Variants in MSRA observed in about 807,000 individuals in gnomAD.
The protein encoded by MSRA is mitochondrial peptide methionine sulfoxide reductase.
MSRA carries 54 observed loss-of-function variants against 31.3 expected under a neutral mutation model. The observed-to-expected ratio is 1.73, with a 90% CI of 1.39 to 2.17. The LOEUF is 2.17. Ranked by LOEUF, MSRA falls within the 30% of genes most tolerant of loss-of-function variation. MSRA has a pLI of 0.00. For synonymous variants in MSRA, 169 were observed against 116.5 expected (o/e 1.45, Z -2.90); for missense variants, 507 against 300.9 (o/e 1.69, Z -5.07).
At chr8:10,422,254 C>G (rs978250216) in intron 5 of MSRA, among the ~76,000 whole-genome samples, 2 of 152,140 alleles carry the variant, frequency 1.3e-5, no homozygotes, top group Non-Finnish European at 2.9e-5. Context: ...CCAGTGTACT[C>G]CAGCCTGGGT....
At chr8:10,231,808 C>T (rs2129073511) in intron 2 of MSRA, among the ~76,000 whole-genome samples, 1 of 152,244 alleles carries the variant, frequency 6.6e-6, no homozygotes, top group Non-Finnish European at 1.5e-5. Context: ...GAGGCTGAGG[C>T]AGGAGAATTG....
At chr8:10,070,886 T>A (rs1005443516) in intron 1 of MSRA, among the ~76,000 whole-genome samples, 21 of 152,228 alleles carry the variant, frequency 1.4e-4, no homozygotes, top group Non-Finnish European at 5.9e-5. Context: ...TACCACAGTT[T>A]AACCATTCAC....
At chr8:10,317,934 A>G (rs1014132910) in intron 4 of MSRA, among the ~76,000 whole-genome samples, 3 of 151,928 alleles carry the variant, frequency 2.0e-5, no homozygotes, top group African/African-American at 2.4e-5. Context: ...CAAGATACCT[A>G]TGTGGTTACA....
intron 1 of MSRA, among the ~76,000 whole-genome samples, chr8:10,134,999 A>G (rs908383201): frequency 3.9e-5 from 6 of 152,228 alleles, no homozygotes; most frequent in South Asian, 4.1e-4. Flanking sequence ...AAATCTCTCA[A>G]TCACATTAAC....
intron 2 of MSRA, among the ~76,000 whole-genome samples, chr8:10,243,678 A>G (rs1159490954): frequency 6.6e-6 from 1 of 152,188 alleles, no homozygotes; most frequent in Admixed American, 6.5e-5. Context: ...AATTGTCACC[A>G]CTGTAATACA....
At chr8:10,418,413 T>C (rs1016397784) in intron 5 of MSRA, among the ~76,000 whole-genome samples, 2 of 152,170 alleles carry the variant, frequency 1.3e-5, no homozygotes, top group South Asian at 4.1e-4. Flanking sequence ...TGCCTGCCCA[T>C]TTCCGGAGCC....
At chr8:10,204,561 G>A (rs1159957957) in intron 1 of MSRA, among the ~76,000 whole-genome samples, 2 of 152,210 alleles carry the variant, frequency 1.3e-5, no homozygotes, top group Non-Finnish European at 2.9e-5. Context: ...TAGCCTAGGG[G>A]CAATAGACTA....
At chr8:10,091,593 T>C (rs1290059669) in intron 1 of MSRA, among the ~76,000 whole-genome samples, 1 of 151,780 alleles carries the variant, frequency 6.6e-6, no homozygotes, top group African/African-American at 2.4e-5. Flanking sequence ...GTGAGATTGC[T>C]GGATCATATG....
At chr8:10,333,924 A>G (rs1002670440) in intron 5 of MSRA, among the ~76,000 whole-genome samples, 2 of 152,170 alleles carry the variant, frequency 1.3e-5, no homozygotes, top group African/African-American at 4.8e-5. Flanking sequence ...CCCAAGTGCA[A>G]AATACTTGTA....
intron 3 of MSRA, among the ~76,000 whole-genome samples, chr8:10,284,429 A>G (rs530772310): frequency 5.3e-5 from 8 of 152,252 alleles, no homozygotes; most frequent in African/African-American, 1.9e-4. Context: ...CCTCACCTCA[A>G]GTGAACCACT....
chr8:10,152,406 G>A (rs973506909), intron 1 of MSRA, among the ~76,000 whole-genome samples: 1 of 152,190 alleles, frequency 6.6e-6, no homozygotes, highest in African/African-American at 2.4e-5. Flanking sequence ...GAGAGCCAGT[G>A]TGTGTCAGCT....
intron 2 of MSRA, among the ~76,000 whole-genome samples, chr8:10,231,657 C>G (rs952761186): frequency 2.0e-5 from 3 of 152,186 alleles, no homozygotes; most frequent in African/African-American, 7.2e-5. Context: ...AATCCCAACA[C>G]TTTGGGAGGC....
At chr8:10,427,458 G>A (rs1242650123) in intron 5 of MSRA, among the ~76,000 whole-genome samples, 1 of 152,158 alleles carries the variant, frequency 6.6e-6, no homozygotes, top group Non-Finnish European at 1.5e-5. Context: ...GGGTGGTGAT[G>A]AGCCACAGGC....
At chr8:10,285,739 C>T (rs540328703) in intron 3 of MSRA, among the ~76,000 whole-genome samples, 41 of 152,038 alleles carry the variant, frequency 2.7e-4, no homozygotes, top group African/African-American at 8.7e-4. Context: ...AGAGAACATG[C>T]GGTATTTATC....
rs974370256 is a variant in MSRA at position 10,360,460 on chromosome 8, G to T, written c.543+40471G>T. On this transcript the variant is annotated intron_variant, in intron 5 of 5. Coordinates refer to ENST00000317173, the MANE Select transcript of MSRA (RefSeq NM_012331.5). Reference sequence around the variant, plus strand: ...CTGTGAGTTGTTGCTTATGCATTTAGTGCATCTGTGTGATTTTTCTGGGAG... The same window carrying T: ...CTGTGAGTTGTTGCTTATGCATTTATTGCATCTGTGTGATTTTTCTGGGAG... Among the ~76,000 whole-genome samples, 43 of 152,250 alleles carry T rather than the reference G, an allele frequency of 2.8e-4. 1 individual carries two copies. Among genetic ancestry groups the T allele is most frequent in the African/African-American group, 9.9e-4 (41 of 41,532 alleles).
At chr8:10,244,501 C>T (rs574567222) in intron 2 of MSRA, among the ~76,000 whole-genome samples, 1 of 152,226 alleles carries the variant, frequency 6.6e-6, no homozygotes, top group East Asian at 1.9e-4. Flanking sequence ...CTTCCAAACC[C>T]TTCTCCTGCG....
chr8:10,270,326 C>T (rs1035989556), intron 3 of MSRA, among the ~76,000 whole-genome samples: 18 of 151,344 alleles, frequency 1.2e-4, no homozygotes, highest in African/African-American at 4.4e-4. Context: ...AGAAAGGCAA[C>T]ATGATGTCCT....
At chr8:10,249,798 A>T (rs1191124018) in intron 3 of MSRA, among the ~76,000 whole-genome samples, 1 of 152,212 alleles carries the variant, frequency 6.6e-6, no homozygotes, top group Non-Finnish European at 1.5e-5. Flanking sequence ...ACCTAAAATG[A>T]TGTCCAAAGA....
At chr8:10,167,097 C>G (rs952577600) in intron 1 of MSRA, among the ~76,000 whole-genome samples, 4 of 152,168 alleles carry the variant, frequency 2.6e-5, no homozygotes, top group African/African-American at 9.7e-5. Context: ...CTTCTTCTTC[C>G]CTCCTCTCCA....
Sources: allele counts gnomAD v4.1 joint callset (sites outside exome capture counted in the v4.1 genomes callset), GRCh38; gene constraint gnomAD v4.1.1; transcripts MANE v1.5; gene names NCBI Gene and HGNC (gene_info 2026-07-23, HGNC 2026-07-21).